ANGPT2: variants seen among roughly 807,000 people sequenced by gnomAD.
The protein encoded by ANGPT2 is angiopoietin-2.
Under a neutral mutation model 62.9 loss-of-function variants are expected in ANGPT2, and 28 were observed. The observed-to-expected ratio is 0.44, with a 90% CI of 0.33 to 0.61. The LOEUF (loss-of-function observed/expected upper bound fraction) is 0.61, where lower values mean the gene tolerates loss of function less well. Among genes scored for constraint, ANGPT2 ranks in the 20% least tolerant of loss-of-function variants. The pLI, the probability that ANGPT2 is intolerant of heterozygous loss-of-function variation, is 0.03. For missense variants in ANGPT2, 727 were observed against 594.9 expected (o/e 1.22, Z -2.31); for synonymous variants, 284 against 207.8 (o/e 1.37, Z -3.15).
chr8:6,562,291 C>A lies in ANGPT2; in HGVS notation c.288+356G>T, dbSNP rs557796300. On this transcript the variant is annotated intron_variant, in intron 1 of 8. Coordinates refer to ENST00000629816, the MANE Select transcript of ANGPT2 (RefSeq NM_001118887.2). ...TGCCTGCAACCAGCTGAGAGCCTCC[C>A]TGGTGATGGGTGTTACTGAGCTTAA... 5.9e-5 allele frequency among the ~76,000 whole-genome samples: 9 copies of A among 152,240 alleles called. No individual in the cohort carries two copies. In the South Asian group the frequency reaches 1.9e-3, roughly 32 times the overall value.
chr8:6,535,628 C>A (rs1168346223), intron 1 of ANGPT2, among the ~76,000 whole-genome samples: 6 of 152,066 alleles, frequency 3.9e-5, no homozygotes, highest in Admixed American at 2.6e-4. Flanking sequence ...GCTCTTGAAG[C>A]ATGTATCATT....
In ANGPT2 at chr8:6,514,782, C is replaced by A. The variant is rs2129567832; in HGVS notation, c.928-4G>T. The A allele has an allele frequency of 1.2e-6, 2 of 1,613,554 alleles. No individual in the cohort carries two copies. The highest frequency in any genetic ancestry group is 3.3e-4 in the Middle Eastern group (2 of 6,058). On this transcript the variant is annotated splice_region_variant and splice_polypyrimidine_tract_variant and intron_variant, in intron 5 of 8. Transcript: ENST00000629816. ...CAGCTTCCATGTCACAGTAGGCCTGCAAACAGGAATGCAGGGTATAAGTGA... is the reference window on the plus strand; with the variant it reads ...CAGCTTCCATGTCACAGTAGGCCTGAAAACAGGAATGCAGGGTATAAGTGA...
At chr8:6,536,528 A>G (rs1820530803) in intron 1 of ANGPT2, among the ~76,000 whole-genome samples, 1 of 152,184 alleles carries the variant, frequency 6.6e-6, no homozygotes, top group African/African-American at 2.4e-5. Flanking sequence ...TACCACCAGA[A>G]AAGCCCAGAA....
chr8:6,515,019 A>C (rs1240504747), intron 5 of ANGPT2, among the ~76,000 whole-genome samples: 2 of 152,252 alleles, frequency 1.3e-5, no homozygotes, highest in African/African-American at 4.8e-5. Context: ...GTTGATGAGA[A>C]TATGACTCAC....
chr8:6,517,230 C>A (rs906934939), intron 5 of ANGPT2, among the ~76,000 whole-genome samples: 1 of 152,166 alleles, frequency 6.6e-6, no homozygotes, highest in South Asian at 2.1e-4. Flanking sequence ...CAGTTAATAT[C>A]TTTAATCTGT....
chr8:6,540,985 T>C (rs1821449717), intron 1 of ANGPT2, among the ~76,000 whole-genome samples: 1 of 152,148 alleles, frequency 6.6e-6, no homozygotes, highest in Non-Finnish European at 1.5e-5. Context: ...AGGTGGAGCC[T>C]AGTGGGCATT....
chr8:6,531,221 C>T (rs1389685404), intron 2 of ANGPT2, among the ~76,000 whole-genome samples: 1 of 151,792 alleles, frequency 6.6e-6, no homozygotes, highest in Non-Finnish European at 1.5e-5. Flanking sequence ...TAGCATGTCT[C>T]TCGGTGAATT....
intron 5 of ANGPT2, among the ~76,000 whole-genome samples, chr8:6,518,026 A>C (rs893774144): frequency 6.6e-6 from 1 of 152,226 alleles, no homozygotes; most frequent in African/African-American, 2.4e-5. Context: ...AGGCTCATAT[A>C]ATCCCAGAGT....
intron 5 of ANGPT2, among the ~76,000 whole-genome samples, chr8:6,518,029 C>T (rs1293197843): frequency 5.3e-5 from 8 of 152,118 alleles, no homozygotes; most frequent in Non-Finnish European, 7.3e-5. Context: ...CTCATATAAT[C>T]CCAGAGTACT....
intron 7 of ANGPT2, among the ~76,000 whole-genome samples, chr8:6,509,980 A>G (rs766499733): frequency 2.0e-5 from 3 of 152,118 alleles, no homozygotes; most frequent in African/African-American, 4.8e-5. Context: ...CCAAATTTAA[A>G]TCCCAAAGTG....
chr8:6,517,125 A>G (rs974762287), intron 5 of ANGPT2, among the ~76,000 whole-genome samples: 1 of 152,248 alleles, frequency 6.6e-6, no homozygotes, highest in Non-Finnish European at 1.5e-5. Context: ...GATACTGAGT[A>G]AAAGTGCTGA....
chr8:6,544,739 A>C (rs1026959215), intron 1 of ANGPT2, among the ~76,000 whole-genome samples: 2 of 152,214 alleles, frequency 1.3e-5, no homozygotes, highest in African/African-American at 4.8e-5. Context: ...ATAAAGACAC[A>C]GATACAGCAT....
At chr8:6,541,930 C>CCCAGGAGGTTGAGGCTGCAGTGAG (rs1821652136) in intron 1 of ANGPT2, among the ~76,000 whole-genome samples, 1 of 151,526 alleles carries the variant, frequency 6.6e-6, no homozygotes, top group Non-Finnish European at 1.5e-5. Flanking sequence ...ATTGCTTGAG[C>CCCAGGAGGTTGAGGCTGCAGTGAG]CCAGGAGGTT....
intron 1 of ANGPT2, among the ~76,000 whole-genome samples, chr8:6,557,665 T>G (rs1250331841): frequency 6.8e-6 from 1 of 146,412 alleles, no homozygotes; most frequent in Non-Finnish European, 1.5e-5. Context: ...TTTTTTATAT[T>G]TAATATGATA....
At chr8:6,524,470 T>C (rs937949160) in intron 3 of ANGPT2, among the ~76,000 whole-genome samples, 2 of 152,222 alleles carry the variant, frequency 1.3e-5, no homozygotes, top group Admixed American at 1.3e-4. Context: ...TGAAGCCTCC[T>C]GAGTCACTTT....
In ANGPT2 at chr8:6,500,829, A is replaced by G. The variant is rs1255125970; in HGVS notation, c.*2272T>C. On this transcript the variant is annotated 3_prime_UTR_variant, in exon 9 of 9. Coordinates refer to ENST00000629816, the MANE Select transcript of ANGPT2 (RefSeq NM_001118887.2). ...CATTCTCGCTCATAAGAGATTATAT[A>G]TGATGCACAATGACATAATGAGATT... is the stretch of plus-strand genomic sequence containing the variant. The G allele has an allele frequency of 6.6e-6, 1 of 152,218 alleles. No individual in the cohort carries two copies. Among genetic ancestry groups the G allele is most frequent in the Non-Finnish European group, 1.5e-5 (1 of 68,032 alleles). 9.4% of individuals were successfully genotyped at this position (152,218 alleles called of 1,614,324 possible). A position where few individuals can be genotyped will look rare whatever the true frequency, so the allele number is the denominator to read the frequency against.
At chr8:6,523,964 G>A (rs1248192326) in intron 3 of ANGPT2, among the ~76,000 whole-genome samples, 2 of 151,526 alleles carry the variant, frequency 1.3e-5, no homozygotes, top group Non-Finnish European at 1.5e-5. Context: ...CACCTAAAGA[G>A]GCTTTCTGTG....
chr8:6,544,176 G>A (rs940078926), intron 1 of ANGPT2, among the ~76,000 whole-genome samples: 2 of 152,142 alleles, frequency 1.3e-5, no homozygotes, highest in African/African-American at 4.8e-5. Flanking sequence ...TAACAAGTAC[G>A]AATCAACATA....
intron 8 of ANGPT2, among the ~76,000 whole-genome samples, chr8:6,506,641 T>G (rs1198129250): frequency 6.6e-6 from 1 of 152,042 alleles, no homozygotes; most frequent in African/African-American, 2.4e-5. Flanking sequence ...AAAGGATGAT[T>G]GTGCCAGGAT....
Sources: allele counts gnomAD v4.1 joint callset (sites outside exome capture counted in the v4.1 genomes callset), GRCh38; gene constraint gnomAD v4.1.1; transcripts MANE v1.5; gene names NCBI Gene and HGNC (gene_info 2026-07-23, HGNC 2026-07-21).